The following PTBP3 variants were observed in gnomAD, a reference collection of about 807,000 sequenced individuals.
The protein encoded by PTBP3 is polypyrimidine tract binding protein 3, also known as polypyrimidine tract-binding protein 3.
A neutral mutation model predicts 58.7 loss-of-function variants in PTBP3; 20 were observed. The observed-to-expected ratio is 0.34, with a 90% CI of 0.24 to 0.50. The LOEUF is 0.50. PTBP3 is among the 20% of genes least tolerant of loss of function. The pLI, the probability that PTBP3 is intolerant of heterozygous loss-of-function variation, is 0.98. For synonymous variants in PTBP3, 185 were observed against 219.8 expected (o/e 0.84, Z 1.40); for missense variants, 509 against 637.2 (o/e 0.80, Z 2.17).
intron 1 of PTBP3, among the ~76,000 whole-genome samples, chr9:112,318,057 T>C (rs913272365): frequency 6.6e-6 from 1 of 152,144 alleles, no homozygotes; most frequent in African/African-American, 2.4e-5. Flanking sequence ...CCATTAATGT[T>C]ACCAAAGAAC....
At chr9:112,358,344 G>A in the PTBP3 span, among the ~76,000 whole-genome samples, 1 of 152,092 alleles carries the variant, frequency 6.6e-6, no homozygotes, top group Non-Finnish European at 1.5e-5. Context: ...GGGTGCCACT[G>A]ATGCTACTGG....
the PTBP3 span, among the ~76,000 whole-genome samples, chr9:112,379,763 G>C: frequency 6.6e-6 from 1 of 152,238 alleles, no homozygotes; most frequent in East Asian, 1.9e-4. Context: ...CTCGGAGCCG[G>C]CGCTGGAACA....
intron 1 of PTBP3, among the ~76,000 whole-genome samples, chr9:112,301,849 T>G (rs149771921): frequency 6.6e-6 from 1 of 152,278 alleles, no homozygotes; most frequent in Admixed American, 6.5e-5. Flanking sequence ...TGTACTATCT[T>G]TATAACTTGC....
At chr9:112,247,504 G>C (rs1218258561) in intron 7 of PTBP3, among the ~76,000 whole-genome samples, 1 of 149,550 alleles carries the variant, frequency 6.7e-6, no homozygotes. Flanking sequence ...AGGAGTTTGA[G>C]ACTAGCCTGG....
At chr9:112,275,030 T>A (rs1827548820) in intron 3 of PTBP3, among the ~76,000 whole-genome samples, 1 of 152,236 alleles carries the variant, frequency 6.6e-6, no homozygotes, top group African/African-American at 2.4e-5. Context: ...GAATATTCAT[T>A]CTATTTTAAA....
At position 112,221,065 on chromosome 9, in the gene PTBP3, A is replaced by T; in HGVS notation, c.*2786T>A. 1 of 984,262 alleles carries T rather than the reference A, an allele frequency of 1.0e-6. No individual in the cohort carries two copies. The highest frequency in any genetic ancestry group is 1.2e-6 in the Non-Finnish European group (1 of 828,816). The allele number at this position is 984,262 out of a possible 1,614,324, so 61.0% of individuals were successfully genotyped here. A position where few individuals can be genotyped will look rare whatever the true frequency, so the allele number is the denominator to read the frequency against. On this transcript the variant is annotated 3_prime_UTR_variant, in exon 14 of 14. Transcript: ENST00000374257. ...GTAGACCTCTATAATTCAAACAGCAAATAGCTTAATATGGACAACATCCAT... is the reference window on the plus strand; with the variant it reads ...GTAGACCTCTATAATTCAAACAGCATATAGCTTAATATGGACAACATCCAT...
chr9:112,277,568 T>C (rs1189446527), intron 2 of PTBP3, among the ~76,000 whole-genome samples: 2 of 151,858 alleles, frequency 1.3e-5, no homozygotes, highest in Admixed American at 6.6e-5. Flanking sequence ...ACTAAAATAG[T>C]GTATCAGGCC....
chr9:112,259,667 G>A (rs1214644311), intron 5 of PTBP3, among the ~76,000 whole-genome samples: 1 of 152,054 alleles, frequency 6.6e-6, no homozygotes, highest in Non-Finnish European at 1.5e-5. Flanking sequence ...CCCTTACCAT[G>A]AGCTAAAGGA....
At chr9:112,275,190 C>A (rs1055091787) in intron 3 of PTBP3, among the ~76,000 whole-genome samples, 7 of 151,404 alleles carry the variant, frequency 4.6e-5, no homozygotes, top group African/African-American at 1.7e-4. Flanking sequence ...GGCTGGAGTG[C>A]AATGGCACCA....
chr9:112,231,881 A>G (rs1266211556), intron 9 of PTBP3, among the ~76,000 whole-genome samples: 1 of 151,248 alleles, frequency 6.6e-6, no homozygotes, highest in African/African-American at 2.4e-5. Flanking sequence ...CTGAAGCCTG[A>G]GTAACAGAGT....
Position 112,330,426 on chromosome 9 carries a change from G to A in PTBP3, c.-52+3044C>T, listed in dbSNP as rs778593614. The A allele has an allele frequency of 2.7e-6, 4 of 1,489,672 alleles. No individual in the cohort carries two copies. The East Asian group carries it at 7.0e-5, about 26-fold the overall frequency. The allele number at this position is 1,489,672 out of a possible 1,614,324, so 92.3% of individuals were successfully genotyped here. On this transcript the variant is annotated intron_variant, in intron 1 of 13. Transcript: ENST00000374257. ...ATATAAAAATGCATATGAAAGGATA[G>A]TAAAAGATTCCTACCTTTAAACCGA...
At chr9:112,357,731 CT>C in the PTBP3 span, among the ~76,000 whole-genome samples, 1 of 151,978 alleles carries the variant, frequency 6.6e-6, no homozygotes, top group Non-Finnish European at 1.5e-5. Flanking sequence ...ATTGTCATTT[CT>C]TCTTTATTGC....
chr9:112,377,714 A>T, the PTBP3 span, among the ~76,000 whole-genome samples: 1 of 152,218 alleles, frequency 6.6e-6, no homozygotes, highest in Non-Finnish European at 1.5e-5. Flanking sequence ...TATCAAGCTG[A>T]GAAGGGGTGA....
intron 2 of PTBP3, among the ~76,000 whole-genome samples, chr9:112,286,683 A>C (rs992986816): frequency 6.6e-6 from 1 of 152,234 alleles, no homozygotes; most frequent in African/African-American, 2.4e-5. Context: ...AATCCTTTAA[A>C]TTAACAAAAA....
At position 112,222,947 on chromosome 9, in the gene PTBP3, C is replaced by A. The variant is rs1486118863; in HGVS notation, c.*904G>T. ...AAAATCTGTCAAACCATATGATAGA[C>A]CTGAATATTTTCCTTAAGACTGTAA... On this transcript the variant is annotated 3_prime_UTR_variant, in exon 14 of 14. Transcript: ENST00000374257. The A allele has an allele frequency of 1.2e-6, 1 of 855,232 alleles. No homozygotes were observed. The highest frequency in any genetic ancestry group is 1.8e-5 in the African/African-American group (1 of 54,352). The allele number at this position is 855,232 out of a possible 1,614,324, so 53.0% of individuals were successfully genotyped here.
chr9:112,254,715 C>A (rs374724389), intron 5 of PTBP3, among the ~76,000 whole-genome samples: 2 of 152,180 alleles, frequency 1.3e-5, no homozygotes, highest in East Asian at 1.9e-4. Flanking sequence ...TTTTTTAAAA[C>A]CCATAAAATA....
chr9:112,245,272 T>A (rs1345858583), intron 7 of PTBP3, among the ~76,000 whole-genome samples: 1 of 152,248 alleles, frequency 6.6e-6, no homozygotes, highest in Non-Finnish European at 1.5e-5. Context: ...ATTGTACCAC[T>A]GCATTCCAGC....
the PTBP3 span, among the ~76,000 whole-genome samples, chr9:112,358,007 AAAAT>A: frequency 6.6e-6 from 1 of 152,084 alleles, no homozygotes; most frequent in African/African-American, 2.4e-5. Context: ...ATGTTTTACA[AAAAT>A]AAACAAAAAA....
chr9:112,269,509 A>T (rs1827277157), intron 3 of PTBP3, among the ~76,000 whole-genome samples: 1 of 152,212 alleles, frequency 6.6e-6, no homozygotes, highest in African/African-American at 2.4e-5. Flanking sequence ...TGATAGCAAG[A>T]AATGAGAACT....
Sources: allele counts gnomAD v4.1 joint callset (sites outside exome capture counted in the v4.1 genomes callset), GRCh38; gene constraint gnomAD v4.1.1; transcripts MANE v1.5; gene names NCBI Gene and HGNC (gene_info 2026-07-23, HGNC 2026-07-21).